The following WWOX variants were observed in gnomAD, a reference collection of about 807,000 sequenced individuals.
WWOX encodes the protein WW domain containing oxidoreductase.
In WWOX, 69 loss-of-function variants were observed where a neutral mutation model predicts 46.2. The ratio of observed to expected loss-of-function variants is 1.49; its 90% CI spans 1.23 to 1.82. The LOEUF (loss-of-function observed/expected upper bound fraction) is 1.82, where lower values mean the gene tolerates loss of function less well. WWOX is among the 40% of genes most tolerant of loss of function. WWOX has a pLI of 0.00. For missense variants in WWOX, 919 were observed against 542.6 expected (o/e 1.69, Z -6.89); for synonymous variants, 359 against 202.6 (o/e 1.77, Z -6.56).
chr16:78,938,880 C>T (rs1203142754), intron 8 of WWOX, among the ~76,000 whole-genome samples: 2 of 152,108 alleles, frequency 1.3e-5, no homozygotes, highest in East Asian at 1.9e-4. Flanking sequence ...GCTGCCAGGG[C>T]CAGCCACGTG....
At chr16:78,866,018 A>G (rs113045219) in intron 8 of WWOX, among the ~76,000 whole-genome samples, 7,082 of 152,310 alleles carry the variant, frequency 0.046, 227 homozygotes, top group Non-Finnish European at 0.069. Flanking sequence ...CAGTTACAGC[A>G]TTCACAGCAT....
chr16:78,974,257 C>T (rs116425758), intron 8 of WWOX, among the ~76,000 whole-genome samples: 101 of 152,346 alleles, frequency 6.6e-4, no homozygotes, highest in Middle Eastern at 6.8e-3. Flanking sequence ...AAAACTGTCT[C>T]TAATGACCGC....
intron 8 of WWOX, among the ~76,000 whole-genome samples, chr16:78,737,516 G>C (rs977520195): frequency 2.0e-5 from 3 of 152,008 alleles, no homozygotes; most frequent in African/African-American, 7.2e-5. Flanking sequence ...TGATTTCTGA[G>C]ATTTTGATGT....
chr16:78,800,809 C>G (rs1398135489), intron 8 of WWOX, among the ~76,000 whole-genome samples: 1 of 152,122 alleles, frequency 6.6e-6, no homozygotes, highest in East Asian at 1.9e-4. Context: ...GCAAACTTCT[C>G]TTGAGATAGC....
chr16:78,632,845 A>C (rs912602432), intron 8 of WWOX, among the ~76,000 whole-genome samples: 1 of 152,032 alleles, frequency 6.6e-6, no homozygotes. Context: ...GCTGTGAGCC[A>C]CTGCGCCCGG....
intron 8 of WWOX, among the ~76,000 whole-genome samples, chr16:78,709,757 C>A (rs149236814): frequency 2.0e-4 from 29 of 143,474 alleles, no homozygotes; most frequent in African/African-American, 5.5e-4. Context: ...TTGTGATAAT[C>A]TCTCTCTGTC....
chr16:78,848,450 T>C (rs2052356160), intron 8 of WWOX, among the ~76,000 whole-genome samples: 1 of 152,166 alleles, frequency 6.6e-6, no homozygotes, highest in African/African-American at 2.4e-5. Context: ...TCTGAGTGTT[T>C]ATCAGCTCAC....
chr16:78,996,498 T>G, intron 8 of WWOX: 1 of 190,882 alleles, frequency 5.2e-6, no homozygotes, highest in Non-Finnish European at 9.7e-6. Flanking sequence ...AATGATCAGC[T>G]TCATTCTCTC....
At chr16:79,007,733 G>A (rs907046339) in intron 8 of WWOX, among the ~76,000 whole-genome samples, 2 of 152,202 alleles carry the variant, frequency 1.3e-5, no homozygotes, top group Non-Finnish European at 2.9e-5. Flanking sequence ...CTGCTTAGCG[G>A]CAAAACCAGG....
At chr16:78,213,872 C>T (rs2036635538) in intron 5 of WWOX, among the ~76,000 whole-genome samples, 1 of 152,172 alleles carries the variant, frequency 6.6e-6, no homozygotes, top group African/African-American at 2.4e-5. Context: ...GACCTGAGGG[C>T]TTCTGGGGCC....
chr16:78,234,579 A>C (rs1442223668), intron 5 of WWOX, among the ~76,000 whole-genome samples: 1 of 152,194 alleles, frequency 6.6e-6, no homozygotes, highest in African/African-American at 2.4e-5. Flanking sequence ...AAGTATTTGG[A>C]AAACTCCTAG....
chr16:78,427,011 G>C (rs78546637), intron 7 of WWOX, among the ~76,000 whole-genome samples: 6,864 of 152,232 alleles, frequency 0.045, 508 homozygotes, highest in African/African-American at 0.16. Flanking sequence ...ATTTCCCCAG[G>C]CTGGCTTGTG....
At chr16:79,158,796 ACTCT>A (rs1228921899) in intron 8 of WWOX, among the ~76,000 whole-genome samples, 2 of 151,904 alleles carry the variant, frequency 1.3e-5, no homozygotes, top group South Asian at 2.1e-4. Flanking sequence ...TGTGCTTCTC[ACTCT>A]CGTTTATTTT....
intron 8 of WWOX, 25 bp from the exon 9 acceptor site, chr16:79,211,576 ATTTTTTT>A: frequency 6.2e-7 from 1 of 1,607,964 alleles, no homozygotes; most frequent in South Asian, 1.1e-5. Flanking sequence ...TTTTCTTAAA[ATTTTTTT>A]TTGTCTTTCT....
At chr16:78,387,311 T>G (rs540956129) in intron 6 of WWOX, among the ~76,000 whole-genome samples, 6 of 152,300 alleles carry the variant, frequency 3.9e-5, no homozygotes, top group Admixed American at 2.6e-4. Flanking sequence ...CAGGAACAAG[T>G]AAACTCAGTT....
chr16:78,844,950 G>C (rs751981043), intron 8 of WWOX, among the ~76,000 whole-genome samples: 1 of 152,116 alleles, frequency 6.6e-6, no homozygotes, highest in Non-Finnish European at 1.5e-5. Flanking sequence ...ACAAAGACTG[G>C]CCTATTGAGG....
intron 8 of WWOX, among the ~76,000 whole-genome samples, chr16:79,176,991 T>A (rs889811613): frequency 1.3e-5 from 2 of 152,200 alleles, no homozygotes; most frequent in African/African-American, 4.8e-5. Flanking sequence ...AATAGATGTA[T>A]AATAAAATCT....
intron 8 of WWOX, among the ~76,000 whole-genome samples, chr16:78,650,764 C>T (rs79605420): frequency 9.5e-4 from 144 of 152,280 alleles, no homozygotes; most frequent in African/African-American, 3.3e-3. Context: ...GGTTTCCATG[C>T]CATGTCTCCC....
chr16:79,065,719 G>A (rs750815958), intron 8 of WWOX, among the ~76,000 whole-genome samples: 8 of 152,068 alleles, frequency 5.3e-5, no homozygotes, highest in East Asian at 1.9e-4. Context: ...GTTTCATTTC[G>A]GGAAAGGCTG....
Sources: allele counts gnomAD v4.1 joint callset (sites outside exome capture counted in the v4.1 genomes callset), GRCh38; gene constraint gnomAD v4.1.1; transcripts MANE v1.5; gene names NCBI Gene and HGNC (gene_info 2026-07-23, HGNC 2026-07-21).